The following NDUFS4 variants were observed in gnomAD, a reference collection of about 807,000 sequenced individuals.
The protein encoded by NDUFS4 is NADH:ubiquinone oxidoreductase subunit S4.
In NDUFS4, 28 loss-of-function variants were observed where a neutral mutation model predicts 24.3. That is an observed-to-expected ratio of 1.15 (90% confidence interval 0.85 to 1.58). NDUFS4 has a LOEUF of 1.58. Ranked by LOEUF, NDUFS4 falls within the 40% of genes most tolerant of loss-of-function variation. The probability of loss-of-function intolerance (pLI) is 0.00; values close to 1 mark genes in which losing one functional copy is unlikely to be tolerated. For missense variants in NDUFS4, 223 were observed against 207.9 expected, an observed-to-expected ratio of 1.07 and a Z score of -0.45; for synonymous variants, 93 against 69.7, an observed-to-expected ratio of 1.34 and a Z score of -1.67.
At chr5:53,604,660 A>C (rs1022469825) in intron 2 of NDUFS4, 1 of 433,058 alleles carries the variant, frequency 2.3e-6, no homozygotes, top group African/African-American at 2.0e-5. Context: ...CCTTAGAGTA[A>C]ACACTAAAAT....
At chr5:53,637,365 A>G (rs1751589171) in intron 2 of NDUFS4, among the ~76,000 whole-genome samples, 1 of 152,214 alleles carries the variant, frequency 6.6e-6, no homozygotes, top group Non-Finnish European at 1.5e-5. Context: ...TTAGTTTCTT[A>G]AAGTTATTTG....
chr5:53,628,336 C>T (rs753807214), intron 2 of NDUFS4, among the ~76,000 whole-genome samples: 1 of 151,924 alleles, frequency 6.6e-6, no homozygotes, highest in Non-Finnish European at 1.5e-5. Context: ...ATTGGCATAA[C>T]ATTTTCTTTT....
chr5:53,646,535 C>A, intron 3 of NDUFS4, 130 bp downstream of exon 3: 1 of 899,202 alleles, frequency 1.1e-6, no homozygotes, highest in Non-Finnish European at 1.8e-6. Flanking sequence ...CTGTTAAGTA[C>A]CACTGTGCTC....
At chr5:53,626,775 G>A (rs923952534) in intron 2 of NDUFS4, among the ~76,000 whole-genome samples, 2 of 152,078 alleles carry the variant, frequency 1.3e-5, no homozygotes, top group African/African-American at 4.8e-5. Flanking sequence ...GCAGATTCTG[G>A]ATATTAGTCC....
intron 2 of NDUFS4, among the ~76,000 whole-genome samples, chr5:53,638,150 C>T (rs1751610163): frequency 6.6e-6 from 1 of 152,028 alleles, no homozygotes; most frequent in South Asian, 2.1e-4. Flanking sequence ...ATGGAACACT[C>T]ATTAATAATA....
chr5:53,598,559 T>G (rs1750201377), intron 1 of NDUFS4, among the ~76,000 whole-genome samples: 1 of 151,992 alleles, frequency 6.6e-6, no homozygotes, highest in African/African-American at 2.4e-5. Context: ...TTTCAAAAAA[T>G]AAAATATAAA....
intron 4 of NDUFS4, among the ~76,000 whole-genome samples, chr5:53,660,334 CT>C (rs1168379228): frequency 6.6e-6 from 1 of 151,978 alleles, no homozygotes; most frequent in Admixed American, 6.6e-5. Context: ...TGAACTCATC[CT>C]TTTTTATGGC....
intron 1 of NDUFS4, among the ~76,000 whole-genome samples, chr5:53,569,773 C>T (rs1312779494): frequency 1.3e-5 from 2 of 152,200 alleles, no homozygotes; most frequent in Admixed American, 6.5e-5. Flanking sequence ...AGGCTTAGCA[C>T]GTCCAGTTTG....
chr5:53,615,759 T>C (rs1253150703), intron 2 of NDUFS4, among the ~76,000 whole-genome samples: 1 of 152,098 alleles, frequency 6.6e-6, no homozygotes, highest in East Asian at 1.9e-4. Context: ...AAAATGTTAA[T>C]GCTTCCAATA....
intron 2 of NDUFS4, among the ~76,000 whole-genome samples, chr5:53,635,645 A>G (rs1363422559): frequency 2.6e-5 from 4 of 152,252 alleles, no homozygotes; most frequent in African/African-American, 9.6e-5. Context: ...GTATTAAAAA[A>G]TGTATTAGTT....
chr5:53,579,708 C>T (rs1010874725), intron 1 of NDUFS4, among the ~76,000 whole-genome samples: 2 of 152,076 alleles, frequency 1.3e-5, no homozygotes, highest in African/African-American at 4.8e-5. Context: ...AGAGCAAGAC[C>T]CCATCTCTTT....
chr5:53,619,096 C>T (rs889079172), intron 2 of NDUFS4, among the ~76,000 whole-genome samples: 30 of 146,952 alleles, frequency 2.0e-4, no homozygotes, highest in Admixed American at 1.6e-3. Context: ...CTTGGGCAAC[C>T]GAGTGAGACT....
In NDUFS4 at chr5:53,683,310, C is replaced by A. The variant is rs1740746380; in HGVS notation, c.*89C>A. ...ATGTATAATAAATACATCTCTTAAT[C>A]TCCTAATAAATTGGACCTTTAAACT... On this transcript the variant is annotated 3_prime_UTR_variant, in exon 5 of 5. Coordinates refer to ENST00000296684, the MANE Select transcript of NDUFS4 (RefSeq NM_002495.4). 2.1e-6 allele frequency: 2 copies of A among 947,964 alleles called. No homozygotes were observed. The highest frequency in any genetic ancestry group is 1.6e-5 in the African/African-American group (1 of 61,658). 58.7% of individuals were successfully genotyped at this position (947,964 alleles called of 1,614,324 possible).
intron 2 of NDUFS4, among the ~76,000 whole-genome samples, chr5:53,637,598 A>G (rs1751595043): frequency 6.6e-6 from 1 of 152,172 alleles, no homozygotes; most frequent in South Asian, 2.1e-4. Context: ...AAATTGCTGT[A>G]AGCTGTATAG....
intron 1 of NDUFS4, among the ~76,000 whole-genome samples, chr5:53,571,092 C>G (rs917498772): frequency 4.6e-5 from 7 of 152,028 alleles, no homozygotes; most frequent in Non-Finnish European, 8.8e-5. Context: ...AAAATTTACT[C>G]ATATAAAGTA....
intron 2 of NDUFS4, among the ~76,000 whole-genome samples, chr5:53,612,853 C>G (rs1286749189): frequency 1.3e-5 from 2 of 152,158 alleles, no homozygotes; most frequent in East Asian, 3.9e-4. Context: ...ATTACTCGAA[C>G]TTATTCTAAG....
rs192052790 is a variant in NDUFS4, at chr5:53,648,208, G to A, written c.350+1803G>A. Among the ~76,000 whole-genome samples the A allele has an allele frequency of 1.8e-4, 28 of 152,218 alleles. No homozygotes were observed. The East Asian group carries it at 5.4e-3, about 29-fold the overall frequency. ...GTCTTTGGAGTGAATCTGTATATGTGAGATGAGCCGCCATGTCATGGTTAT... is the reference window on the plus strand; with the variant it reads ...GTCTTTGGAGTGAATCTGTATATGTAAGATGAGCCGCCATGTCATGGTTAT... On this transcript the variant is annotated intron_variant, in intron 3 of 4. Transcript: ENST00000296684.
At chr5:53,608,353 TTAAAA>T (rs1750591032) in intron 2 of NDUFS4, among the ~76,000 whole-genome samples, 2 of 152,178 alleles carry the variant, frequency 1.3e-5, no homozygotes, top group African/African-American at 4.8e-5. Context: ...TGGTAATTTC[TTAAAA>T]TAAGACAACA....
intron 1 of NDUFS4, among the ~76,000 whole-genome samples, chr5:53,595,242 A>T (rs1750099335): frequency 6.6e-6 from 1 of 151,746 alleles, no homozygotes; most frequent in South Asian, 2.1e-4. Flanking sequence ...TTTTTTATGA[A>T]TTTTTTCTTC....
Sources: allele counts gnomAD v4.1 joint callset (sites outside exome capture counted in the v4.1 genomes callset), GRCh38; gene constraint gnomAD v4.1.1; transcripts MANE v1.5; gene names NCBI Gene and HGNC (gene_info 2026-07-23, HGNC 2026-07-21).